UIMC1: variants seen among roughly 807,000 people sequenced by gnomAD.
The protein encoded by UIMC1 is BRCA1-A complex subunit RAP80.
In UIMC1, 42 loss-of-function variants were observed where a neutral mutation model predicts 84.9. That is an observed-to-expected ratio of 0.49 (90% confidence interval 0.39 to 0.64). The LOEUF is 0.64. UIMC1 is among the 30% of genes least tolerant of loss of function. The pLI is 0.00. For synonymous variants in UIMC1, 281 were observed against 293.0 expected (o/e 0.96, Z 0.42); for missense variants, 825 against 847.6 (o/e 0.97, Z 0.33).
At chr5:177,004,870 T>C (rs1464216187) in intron 1 of UIMC1, among the ~76,000 whole-genome samples, 1 of 152,184 alleles carries the variant, frequency 6.6e-6, no homozygotes, top group Non-Finnish European at 1.5e-5. Flanking sequence ...CAATCCTTTA[T>C]AAATGATTGA....
At chr5:176,970,954 A>G in intron 3 of UIMC1, 88 bp from the exon 4 acceptor site, 1 of 1,484,504 alleles carries the variant, frequency 6.7e-7, no homozygotes, top group East Asian at 2.4e-5. Flanking sequence ...AAACTTTTCA[A>G]CTGAAGACAC....
Position 176,908,589 on chromosome 5 carries a change from A to G in UIMC1, c.1782T>C (p.Pro594=). 6.2e-7 allele frequency: 1 copy of G among 1,614,164 alleles called. No homozygotes were observed. The highest frequency in any genetic ancestry group is 1.1e-5 in the South Asian group (1 of 91,088). ...TTGAACATGCTCTTCCACTCCCTTC[A>G]GGTCCATCTCCTTGGTCAGCCTTTG... The part of the protein sequence containing the change: ...QLAKADQGDG[P]EGSGRACSTV... Residue 594 remains proline (P), a synonymous_variant, in exon 12 of 15, where the codon CCT becomes CCC. Coordinates refer to ENST00000511320, the MANE Select transcript of UIMC1 (RefSeq NM_001199298.2).
chr5:176,969,615 G>A lies in UIMC1; in HGVS notation c.449C>T (p.Ser150Phe). The A allele has an allele frequency of 6.2e-7, 1 of 1,614,184 alleles. No homozygotes were observed. The highest frequency in any genetic ancestry group is 8.5e-7 in the Non-Finnish European group (1 of 1,180,030). The change falls in exon 5 of 15, where the codon TCT becomes TTT. Residue 150 changes from serine to phenylalanine, a missense_variant. Physicochemically the swap from Ser to Phe is radical, Grantham distance 155. Transcript: ENST00000511320. ...GGGAGACATGCCTTCAGTGAGCCCAGAGTCTGTGGTTTTCTCTTGATGGGA... is the reference window on the plus strand; with the variant it reads ...GGGAGACATGCCTTCAGTGAGCCCAAAGTCTGTGGTTTTCTCTTGATGGGA... ...SQSHQEKTTD[S>F]GLTEGIWQLV...
intron 2 of UIMC1, chr5:176,980,358 G>A (rs1194920175): frequency 1.3e-5 from 2 of 151,414 alleles, no homozygotes; most frequent in African/African-American, 2.4e-5. Flanking sequence ...CCATCCATCC[G>A]CCTATCCTAT....
chr5:177,008,703 T>C (rs897114408), upstream of UIMC1, among the ~76,000 whole-genome samples: 10 of 152,084 alleles, frequency 6.6e-5, no homozygotes, highest in Non-Finnish European at 1.3e-4. Context: ...GCAACCACAC[T>C]CTTGTGTAAT....
At chr5:176,951,066 A>G (rs1765826208) in intron 9 of UIMC1, among the ~76,000 whole-genome samples, 1 of 152,216 alleles carries the variant, frequency 6.6e-6, no homozygotes, top group South Asian at 2.1e-4. Context: ...TTATGTATAC[A>G]TCATAATATA....
intron 8 of UIMC1, among the ~76,000 whole-genome samples, chr5:176,955,471 T>G (rs1766475400): frequency 6.6e-6 from 1 of 152,200 alleles, no homozygotes; most frequent in South Asian, 2.1e-4. Flanking sequence ...GTGGCTCACA[T>G]CTGTAATCCT....
intron 2 of UIMC1, among the ~76,000 whole-genome samples, 159 bp from the exon 3 acceptor site, chr5:176,975,639 G>GA (rs1769947894): frequency 6.6e-6 from 1 of 152,016 alleles, no homozygotes; most frequent in Non-Finnish European, 1.5e-5. Context: ...GTACAAAAGG[G>GA]AAAACATAAG....
intron 6 of UIMC1, among the ~76,000 whole-genome samples, chr5:176,965,382 A>G (rs1768130624): frequency 6.6e-6 from 1 of 151,832 alleles, no homozygotes; most frequent in Non-Finnish European, 1.5e-5. Flanking sequence ...AGACTATGCC[A>G]CTGCACTCCA....
At chr5:176,974,025 T>C (rs1301617033) in intron 3 of UIMC1, among the ~76,000 whole-genome samples, 1 of 152,138 alleles carries the variant, frequency 6.6e-6, no homozygotes, top group African/African-American at 2.4e-5. Flanking sequence ...CACCACTATA[T>C]TCCAGCCTGG....
At chr5:176,964,782 T>C (rs903408787) in intron 6 of UIMC1, among the ~76,000 whole-genome samples, 2 of 152,202 alleles carry the variant, frequency 1.3e-5, no homozygotes, top group African/African-American at 4.8e-5. Flanking sequence ...CTTGTCTGCT[T>C]TCACTGAGGA....
chr5:176,979,704 T>G (rs1581624918), intron 2 of UIMC1, among the ~76,000 whole-genome samples: 1 of 150,956 alleles, frequency 6.6e-6, no homozygotes, highest in South Asian at 2.1e-4. Flanking sequence ...CATTAATTTT[T>G]AAAACCATGC....
rs1241719259 is a variant in UIMC1, at chr5:176,986,586, T to C, written c.-8-3963A>G. 2.9e-5 allele frequency among the ~76,000 whole-genome samples: 4 copies of C among 137,752 alleles called. No individual in the cohort carries two copies. In the East Asian group the frequency reaches 8.9e-4, roughly 31 times the overall value. 90.4% of individuals were successfully genotyped at this position (137,752 alleles called of 152,430 possible). A position where few individuals can be genotyped will look rare whatever the true frequency, so the allele number is the denominator to read the frequency against. On this transcript the variant is annotated intron_variant, in intron 1 of 14. Transcript: ENST00000511320. The stretch of plus-strand genomic sequence containing the variant: ...TGGGCACACTGGCTCACACCTATAA[T>C]CCCAGTATTTTGGGAGACCAAAGCA...
chr5:176,996,215 T>C (rs1418412725), intron 1 of UIMC1, among the ~76,000 whole-genome samples: 2 of 152,158 alleles, frequency 1.3e-5, no homozygotes, highest in Non-Finnish European at 2.9e-5. Context: ...TGATTCTACC[T>C]GTATGAAACT....
At chr5:176,932,743 C>T (rs1375175667) in intron 10 of UIMC1, among the ~76,000 whole-genome samples, 4 of 152,138 alleles carry the variant, frequency 2.6e-5, no homozygotes, top group Non-Finnish European at 4.4e-5. Flanking sequence ...AGATACATCC[C>T]AGTTCCTTTA....
chr5:176,970,271 CAAA>C (rs57976266), intron 4 of UIMC1: 8,483 of 77,440 alleles, frequency 0.11, 381 homozygotes, highest in African/African-American at 0.21. Context: ...GACTCCATCT[CAAA>C]AAAAAAAAAA....
intron 10 of UIMC1, among the ~76,000 whole-genome samples, chr5:176,934,544 A>G (rs570748060): frequency 6.6e-6 from 1 of 152,338 alleles, no homozygotes; most frequent in Admixed American, 6.5e-5. Context: ...TCAATGAGCC[A>G]ACTGCCTCAC....
In UIMC1 at chr5:176,953,495, TACAC is replaced by T. The variant is rs137955830; in HGVS notation, c.1340-1922_1340-1919del. On this transcript the variant is annotated intron_variant, in intron 8 of 14. Coordinates refer to ENST00000511320, the MANE Select transcript of UIMC1 (RefSeq NM_001199298.2). ...CAAATTTTTTTGAAAACTGGACACATACACACACACACACACACACACACACACA... is the reference window on the plus strand; with the variant it reads ...CAAATTTTTTTGAAAACTGGACACATACACACACACACACACACACACACA... Among the ~76,000 whole-genome samples, 615 of 136,946 alleles carry T rather than the reference TACAC, an allele frequency of 4.5e-3. 1 individual carries two copies. The highest frequency in any genetic ancestry group is 0.015 in the African/African-American group (531 of 35,916). 89.8% of individuals were successfully genotyped at this position (136,946 alleles called of 152,430 possible). A position where few individuals can be genotyped will look rare whatever the true frequency, so the allele number is the denominator to read the frequency against.
chr5:176,955,468 A>C (rs1404723979), intron 8 of UIMC1, among the ~76,000 whole-genome samples: 1 of 152,172 alleles, frequency 6.6e-6, no homozygotes, highest in Non-Finnish European at 1.5e-5. Context: ...ACAGTGGCTC[A>C]CATCTGTAAT....
Sources: gnomAD v4.1 joint callset for allele counts (sites outside exome capture counted in the v4.1 genomes callset) on GRCh38, gnomAD v4.1.1 for gene constraint, MANE v1.5 for transcripts, NCBI Gene and HGNC (gene_info 2026-07-23, HGNC 2026-07-21) for gene names.